The following SSBP3 variants were observed in gnomAD, a reference collection of about 807,000 sequenced individuals.
SSBP3 encodes single stranded DNA binding protein 3, also known as single-stranded DNA-binding protein 3.
A neutral mutation model predicts 69.6 loss-of-function variants in SSBP3; 5 were observed. That is an observed-to-expected ratio of 0.07 (90% CI 0.04 to 0.15). SSBP3 has a LOEUF of 0.15. Among genes scored for constraint, SSBP3 ranks in the 10% least tolerant of loss-of-function variants. The pLI is 1.00. For synonymous variants in SSBP3, 196 were observed against 193.4 expected, an observed-to-expected ratio of 1.01 and a Z score of -0.11; for missense variants, 312 against 534.0, an observed-to-expected ratio of 0.58 and a Z score of 4.10.
chr1:54,260,719 G>GC (rs1182846695), intron 5 of SSBP3, among the ~76,000 whole-genome samples: 1 of 151,904 alleles, frequency 6.6e-6, no homozygotes, highest in East Asian at 1.9e-4. Flanking sequence ...GGTCAGGGAG[G>GC]CCCCAGCCCA....
chr1:54,299,307 C>T (rs1249640626), intron 4 of SSBP3, among the ~76,000 whole-genome samples: 1 of 152,144 alleles, frequency 6.6e-6, no homozygotes, highest in Non-Finnish European at 1.5e-5. Context: ...ATGCTTGATC[C>T]TCAAACTCCT....
chr1:54,239,205 G>A lies in SSBP3; in HGVS notation c.857-6C>T. 1 of 1,606,554 alleles carries A rather than the reference G, an allele frequency of 6.2e-7. No individual in the cohort carries two copies. Among genetic ancestry groups the A allele is most frequent in the Non-Finnish European group, 8.5e-7 (1 of 1,176,628 alleles). On this transcript the variant is annotated splice_polypyrimidine_tract_variant and splice_region_variant and intron_variant, in intron 13 of 17. Coordinates refer to ENST00000610401, the Ensembl canonical transcript of SSBP3. ...GTCACTGGAATTTGTTGAATCTGTAGAACAGTGGAAACCCACAAGTCGGGG... is the reference window on the plus strand; with the variant it reads ...GTCACTGGAATTTGTTGAATCTGTAAAACAGTGGAAACCCACAAGTCGGGG...
Position 54,258,638 on chromosome 1 carries a change from C to G in SSBP3, c.367-489G>C, listed in dbSNP as rs150516611. Among the ~76,000 whole-genome samples the G allele has an allele frequency of 6.6e-6, 1 of 152,034 alleles. No homozygotes were observed. Among genetic ancestry groups the G allele is most frequent in the Admixed American group, 6.5e-5 (1 of 15,282 alleles). On this transcript the variant is annotated intron_variant, in intron 5 of 17. Transcript: ENST00000610401. The surrounding 1 kb of genome is among the most constrained non-coding windows in gnomAD (Gnocchi z 4.5). ...GACAGTGACACGGCTATGGGTGACT[C>G]GAGGCAGTACTGATCAAGTGTCAGG...
At chr1:54,290,860 G>C (rs1418795478) in intron 4 of SSBP3, among the ~76,000 whole-genome samples, 2 of 152,174 alleles carry the variant, frequency 1.3e-5, no homozygotes, top group East Asian at 1.9e-4. Context: ...CTCGGTATTT[G>C]TACAACGTTG....
intron 5 of SSBP3, among the ~76,000 whole-genome samples, chr1:54,261,162 CCA>C (rs1645011245): frequency 5.3e-5 from 8 of 152,162 alleles, no homozygotes; most frequent in Admixed American, 5.2e-4. Context: ...AGGAGGAACC[CCA>C]CATAGCCTAG....
At chr1:54,235,963 G>A (rs1644484931) in intron 14 of SSBP3, among the ~76,000 whole-genome samples, 1 of 152,152 alleles carries the variant, frequency 6.6e-6, no homozygotes, top group Non-Finnish European at 1.5e-5. Flanking sequence ...CATTAAATGG[G>A]TCATTATTCC....
At chr1:54,351,299 C>T (rs567200686) in intron 4 of SSBP3, among the ~76,000 whole-genome samples, 4 of 152,276 alleles carry the variant, frequency 2.6e-5, no homozygotes, top group East Asian at 3.9e-4. Context: ...TCAAAATGAA[C>T]GAGTACAGAA....
At chr1:54,273,472 C>T (rs538298322) in intron 5 of SSBP3, among the ~76,000 whole-genome samples, 1 of 152,352 alleles carries the variant, frequency 6.6e-6, no homozygotes, top group East Asian at 1.9e-4. Context: ...TTGCTAGGAG[C>T]CCCAGTGCCG....
intron 4 of SSBP3, among the ~76,000 whole-genome samples, chr1:54,314,742 G>A (rs936512612): frequency 6.6e-6 from 1 of 152,216 alleles, no homozygotes; most frequent in Non-Finnish European, 1.5e-5. Context: ...ATTGGAGAGT[G>A]AGCTGCCTAG....
chr1:54,411,358 A>T (rs990954818), upstream of SSBP3, among the ~76,000 whole-genome samples: 12 of 151,810 alleles, frequency 7.9e-5, no homozygotes, highest in Non-Finnish European at 1.6e-4. Context: ...TGTGCCTGTA[A>T]TCTCAGCTAC....
At chr1:54,284,862 GGAGT>G (rs1299302154) in intron 4 of SSBP3, among the ~76,000 whole-genome samples, 1 of 152,190 alleles carries the variant, frequency 6.6e-6, no homozygotes, top group Non-Finnish European at 1.5e-5. Context: ...TATGAGATCA[GGAGT>G]GAGTCAATGG....
intron 4 of SSBP3, among the ~76,000 whole-genome samples, chr1:54,336,635 C>A (rs542981503): frequency 2.0e-4 from 30 of 152,322 alleles, no homozygotes; most frequent in African/African-American, 7.0e-4. Flanking sequence ...TCTCAAGCCT[C>A]TTCTAATCTG....
intron 4 of SSBP3, among the ~76,000 whole-genome samples, chr1:54,323,491 T>C (rs968770732): frequency 6.6e-6 from 1 of 152,094 alleles, no homozygotes; most frequent in African/African-American, 2.4e-5. Flanking sequence ...GGAGGAGGTG[T>C]TGCTCCAGCC....
intron 4 of SSBP3, among the ~76,000 whole-genome samples, chr1:54,315,971 C>G (rs2100324513): frequency 6.6e-6 from 1 of 152,290 alleles, no homozygotes; most frequent in African/African-American, 2.4e-5. Flanking sequence ...CAAGACAACC[C>G]TCCCGAAAAT....
chr1:54,383,563 A>G (rs1310699422), intron 4 of SSBP3, among the ~76,000 whole-genome samples: 3 of 152,212 alleles, frequency 2.0e-5, no homozygotes, highest in Non-Finnish European at 4.4e-5. Context: ...CTAAGCAAAC[A>G]CAAGTCTTCT....
At chr1:54,279,489 T>C (rs1050787963) in intron 5 of SSBP3, among the ~76,000 whole-genome samples, 3 of 152,208 alleles carry the variant, frequency 2.0e-5, no homozygotes, top group East Asian at 1.9e-4. Context: ...TTTTAAAACA[T>C]ACAACTAGGT....
chr1:54,271,931 G>A (rs1645201547), intron 5 of SSBP3, among the ~76,000 whole-genome samples: 1 of 152,032 alleles, frequency 6.6e-6, no homozygotes, highest in African/African-American at 2.4e-5. Flanking sequence ...CACCATGCCT[G>A]GCTAATTTTT....
chr1:54,294,623 G>A (rs889029333), intron 4 of SSBP3, among the ~76,000 whole-genome samples: 1 of 152,212 alleles, frequency 6.6e-6, no homozygotes, highest in Non-Finnish European at 1.5e-5. Flanking sequence ...CCAGTGAGCT[G>A]GGTGCAGGAA....
intron 4 of SSBP3, among the ~76,000 whole-genome samples, chr1:54,340,130 C>T (rs530602263): frequency 3.2e-4 from 48 of 152,104 alleles, no homozygotes; most frequent in Non-Finnish European, 6.5e-4. Flanking sequence ...AGGTCCCTGA[C>T]ATGTGACTTG....
Sources: gnomAD v4.1 joint callset for allele counts (sites outside exome capture counted in the v4.1 genomes callset) on GRCh38, gnomAD v4.1.1 for gene constraint, Gnocchi (gnomAD v3.1) non-coding constraint, MANE v1.5 for transcripts, NCBI Gene and HGNC (gene_info 2026-07-23, HGNC 2026-07-21) for gene names.